Variants in LONRF2 observed in about 807,000 individuals in gnomAD.
LONRF2 encodes the protein LON peptidase N-terminal domain and ring finger 2, also known as LON peptidase N-terminal domain and RING finger protein 2.
A neutral mutation model predicts 66.6 loss-of-function variants in LONRF2; 35 were observed. The observed-to-expected ratio is 0.53, with a 90% CI of 0.40 to 0.70. The LOEUF is 0.70. Ranked by LOEUF, LONRF2 falls within the 30% of genes least tolerant of loss-of-function variation. The pLI is 0.00. For synonymous variants in LONRF2, 417 were observed against 418.1 expected (o/e 1.00, Z 0.03); for missense variants, 902 against 1,002.1 (o/e 0.90, Z 1.35).
chr2:100,290,492 GT>G, intron 9 of LONRF2, 72 bp from the exon 10 acceptor site: 1 of 1,463,694 alleles, frequency 6.8e-7, no homozygotes, highest in South Asian at 1.3e-5. Flanking sequence ...CTGGATGAGA[GT>G]TTACTTTTAA....
At chr2:100,318,446 G>A (rs998834515) in intron 1 of LONRF2, among the ~76,000 whole-genome samples, 8 of 152,132 alleles carry the variant, frequency 5.3e-5, no homozygotes, top group South Asian at 2.1e-4. Flanking sequence ...CAAGTGGAGC[G>A]GGAAGTGCAA....
At chr2:100,321,124 C>T (rs1445444397) in intron 1 of LONRF2, among the ~76,000 whole-genome samples, 1 of 152,226 alleles carries the variant, frequency 6.6e-6, no homozygotes, top group Non-Finnish European at 1.5e-5. Flanking sequence ...CTCAACAGCG[C>T]AGAAGATGCC....
rs759301538 is a variant in LONRF2 at position 100,300,746 on chromosome 2, A to C, written c.963T>G (p.His321Gln). ...EVLFSATANVHENLTSSIQSR... is the reference protein window; with the variant it reads ...EVLFSATANVQENLTSSIQSR... ...TTTGGATGGAAGATGTTAAATTTTC[A>C]TGCACATTTGCTGTAGCTGAAAACA... Residue 321 changes from histidine (H) to glutamine (Q), a missense_variant, in exon 4 of 12, where the codon CAT (histidine) becomes CAG (glutamine). By Grantham distance (24) the His-to-Gln change is conservative. This residue lies in a region of LONRF2 where 585 missense variants were observed against 569.9 expected (regional missense o/e 1.03). Coordinates refer to ENST00000393437, the MANE Select transcript of LONRF2 (RefSeq NM_198461.4). The C allele has an allele frequency of 5.0e-6, 8 of 1,613,122 alleles. No individual in the cohort carries two copies. Among genetic ancestry groups the C allele is most frequent in the Non-Finnish European group, 6.8e-6 (8 of 1,179,680 alleles).
chr2:100,290,621 G>T (rs970582439), intron 9 of LONRF2, among the ~76,000 whole-genome samples: 6 of 152,202 alleles, frequency 3.9e-5, no homozygotes, highest in Non-Finnish European at 8.8e-5. Context: ...GGTGATGGTG[G>T]CTGCAGGGGA....
intron 1 of LONRF2, among the ~76,000 whole-genome samples, chr2:100,310,517 C>T (rs1028210404): frequency 2.3e-4 from 35 of 152,152 alleles, no homozygotes; most frequent in African/African-American, 7.5e-4. Context: ...AAGCATACAC[C>T]GAAGAACTTA....
intron 6 of LONRF2, 22 bp downstream of exon 6, chr2:100,299,204 C>T (rs767540868): frequency 5.3e-6 from 8 of 1,520,124 alleles, no homozygotes; most frequent in Non-Finnish European, 7.1e-6. Context: ...AAAAGAGTTG[C>T]ACGGATTCTG....
At chr2:100,308,536 G>A (rs1468887329) in intron 2 of LONRF2, among the ~76,000 whole-genome samples, 2 of 152,098 alleles carry the variant, frequency 1.3e-5, no homozygotes, top group African/African-American at 2.4e-5. Context: ...TTCATGAAAA[G>A]GCTTTTATTC....
chr2:100,298,274 GT>G (rs1292366842), intron 7 of LONRF2, among the ~76,000 whole-genome samples: 13 of 152,174 alleles, frequency 8.5e-5, no homozygotes, highest in African/African-American at 3.1e-4. Context: ...GGATTTAATA[GT>G]TTATATTGGG....
At chr2:100,299,941 A>T in intron 4 of LONRF2, 23 bp from the exon 5 acceptor site, 1 of 1,442,230 alleles carries the variant, frequency 6.9e-7, no homozygotes, top group Non-Finnish European at 9.6e-7. Context: ...GAAAAAAAGG[A>T]ATCCTGAGTA....
chr2:100,313,369 C>A (rs1404589777), intron 1 of LONRF2, among the ~76,000 whole-genome samples: 1 of 152,082 alleles, frequency 6.6e-6, no homozygotes, highest in Admixed American at 6.6e-5. Context: ...GTGGAACATG[C>A]CTGTAATTCC....
chr2:100,312,782 A>G (rs2104208928), intron 1 of LONRF2, among the ~76,000 whole-genome samples: 1 of 152,376 alleles, frequency 6.6e-6, no homozygotes, highest in East Asian at 1.9e-4. Context: ...TTTAAAACAC[A>G]TAAAATAAAT....
chr2:100,299,682 G>A (rs1313143640), intron 5 of LONRF2, 35 bp downstream of exon 5: 3 of 1,561,002 alleles, frequency 1.9e-6, no homozygotes, highest in African/African-American at 2.7e-5. Flanking sequence ...TCACTTTGGA[G>A]TCACAGAACT....
chr2:100,307,162 C>T (rs897364450), intron 2 of LONRF2, among the ~76,000 whole-genome samples: 15 of 152,180 alleles, frequency 9.9e-5, no homozygotes, highest in South Asian at 2.1e-4. Flanking sequence ...CCTCGTGATC[C>T]GCCCGTCTCG....
In LONRF2 at chr2:100,273,999, T is replaced by C. The variant is rs1674547183; in HGVS notation, c.*10299A>G. On this transcript the variant is annotated 3_prime_UTR_variant, in exon 12 of 12. Transcript: ENST00000393437. ...TTGAACTGTTCACAGTACAAAAAGG[T>C]GACAAAACTATGAAAGTGAAAATAC... 6.6e-6 allele frequency: 1 copy of C among 151,958 alleles called. No individual in the cohort carries two copies. The highest frequency in any genetic ancestry group is 6.6e-5 in the Admixed American group (1 of 15,266). 9.4% of individuals were successfully genotyped at this position (151,958 alleles called of 1,614,324 possible). A position where few individuals can be genotyped will look rare whatever the true frequency, so the allele number is the denominator to read the frequency against.
At chr2:100,285,006 G>C (rs1324378216) in intron 11 of LONRF2, among the ~76,000 whole-genome samples, 3 of 152,150 alleles carry the variant, frequency 2.0e-5, no homozygotes, top group Admixed American at 2.0e-4. Context: ...ATATATATAA[G>C]AATTATTATG....
Position 100,276,462 on chromosome 2 carries a change from A to G in LONRF2, c.*7836T>C, listed in dbSNP as rs1674602719. On this transcript the variant is annotated 3_prime_UTR_variant, in exon 12 of 12. Transcript: ENST00000393437. ...GACACTCTAATAAAACAAATAATAA[A>G]TTAAAATTAAAGTCAGTCTTTGGCA... 6.6e-6 allele frequency: 1 copy of G among 152,200 alleles called. No homozygotes were observed. The highest frequency in any genetic ancestry group is 1.5e-5 in the Non-Finnish European group (1 of 68,026). The allele number at this position is 152,200 out of a possible 1,614,324, so 9.4% of individuals were successfully genotyped here.
intron 1 of LONRF2, among the ~76,000 whole-genome samples, chr2:100,313,228 C>T (rs1354821910): frequency 6.6e-6 from 1 of 152,220 alleles, no homozygotes; most frequent in South Asian, 2.1e-4. Context: ...GGCGTGGTGG[C>T]TCACGCCTGT....
At chr2:100,316,756 C>T (rs1336840729) in intron 1 of LONRF2, among the ~76,000 whole-genome samples, 3 of 152,170 alleles carry the variant, frequency 2.0e-5, no homozygotes, top group Non-Finnish European at 2.9e-5. Flanking sequence ...ATTTTGCAAT[C>T]CTTACTTTAT....
At chr2:100,314,385 A>G (rs1325461406) in intron 1 of LONRF2, among the ~76,000 whole-genome samples, 1 of 152,178 alleles carries the variant, frequency 6.6e-6, no homozygotes, top group Admixed American at 6.5e-5. Flanking sequence ...TCACTTTGAG[A>G]TCTAGTTTTT....
Sources: gnomAD v4.1 joint callset for allele counts (sites outside exome capture counted in the v4.1 genomes callset) on GRCh38, gnomAD v4.1.1 for gene constraint, gnomAD v4.1.1 regional missense constraint, MANE v1.5 for transcripts, NCBI Gene and HGNC (gene_info 2026-07-23, HGNC 2026-07-21) for gene names.